ANKS1B: variants seen among roughly 807,000 people sequenced by gnomAD.
ANKS1B encodes the protein ankyrin repeat and sterile alpha motif domain-containing protein 1B.
A neutral mutation model predicts 148.3 loss-of-function variants in ANKS1B; 36 were observed. The ratio of observed to expected loss-of-function variants is 0.24; its 90% CI spans 0.19 to 0.32. The LOEUF (loss-of-function observed/expected upper bound fraction) is 0.32. Among genes scored for constraint, ANKS1B ranks in the 10% least tolerant of loss-of-function variants. ANKS1B has a pLI of 1.00. For synonymous variants in ANKS1B, 542 were observed against 560.8 expected (o/e 0.97, Z 0.47); for missense variants, 1,157 against 1,542.6 (o/e 0.75, Z 4.19).
At chr12:99,853,963 A>G (rs1003017094) in intron 1 of ANKS1B, among the ~76,000 whole-genome samples, 4 of 152,194 alleles carry the variant, frequency 2.6e-5, no homozygotes, top group Non-Finnish European at 5.9e-5. Context: ...TTGAACAAGT[A>G]GAAAAAAAAA....
At chr12:99,567,713 T>C (rs1347189108) in intron 9 of ANKS1B, among the ~76,000 whole-genome samples, 1 of 152,146 alleles carries the variant, frequency 6.6e-6, no homozygotes, top group Non-Finnish European at 1.5e-5. Flanking sequence ...AGGACCAAGA[T>C]ATGCTAAAGG....
At chr12:98,975,325 CTTCT>C (rs1210964770) in intron 17 of ANKS1B, among the ~76,000 whole-genome samples, 1 of 147,552 alleles carries the variant, frequency 6.8e-6, no homozygotes, top group Admixed American at 6.8e-5. Context: ...CCTTTTCCTC[CTTCT>C]TTCCTTTCCT....
intron 10 of ANKS1B, among the ~76,000 whole-genome samples, chr12:99,452,531 C>T (rs1389839215): frequency 6.6e-6 from 1 of 152,086 alleles, no homozygotes; most frequent in Non-Finnish European, 1.5e-5. Flanking sequence ...ATAAATAAGA[C>T]CAATGAAATC....
intron 9 of ANKS1B, among the ~76,000 whole-genome samples, chr12:99,627,820 G>A (rs770032764): frequency 6.6e-6 from 1 of 152,108 alleles, no homozygotes; most frequent in Non-Finnish European, 1.5e-5. Flanking sequence ...AAGAGAAAGG[G>A]GGTTATTTCT....
Position 99,056,784 on chromosome 12 carries a change from T to C in ANKS1B, c.2626-3475A>G, listed in dbSNP as rs139730047. ...CTAATATAACTTCCCATGCTTGGAA[T>C]GCTTTTGCCCCTGCTTCTGGAGTGA... On this transcript the variant is annotated intron_variant, in intron 16 of 26. Transcript: ENST00000683438. Among the ~76,000 whole-genome samples, 39 of 152,348 alleles carry C rather than the reference T, an allele frequency of 2.6e-4. No individual in the cohort carries two copies. The East Asian group carries it at 7.3e-3, about 29-fold the overall frequency.
intron 22 of ANKS1B, among the ~76,000 whole-genome samples, chr12:98,784,302 T>A (rs181123333): frequency 6.6e-6 from 1 of 152,096 alleles, no homozygotes; most frequent in South Asian, 2.1e-4. Context: ...CAGGGGAAGA[T>A]GAAATCCCAA....
rs551521331 is a variant in ANKS1B at position 98,979,667 on chromosome 12, A to T, written c.2778+73490T>A. On this transcript the variant is annotated intron_variant, in intron 17 of 26. Transcript: ENST00000683438. ...GTCTTTTTTCTCTGGATGCTTTTAG[A>T]TTTTTTTTTTTTAGCAATTTAATTA... Among the ~76,000 whole-genome samples, 1,340 of 148,062 alleles carry T rather than the reference A, an allele frequency of 9.1e-3. 21 individuals are homozygous for T. Among genetic ancestry groups the T allele is most frequent in the African/African-American group, 0.031 (1,276 of 40,574 alleles).
chr12:99,667,312 A>G (rs1195671847), intron 8 of ANKS1B, among the ~76,000 whole-genome samples: 1 of 149,172 alleles, frequency 6.7e-6, no homozygotes, highest in East Asian at 2.0e-4. Flanking sequence ...TCATGCCACC[A>G]CACTCCAGTC....
chr12:99,119,334 G>A (rs1449205114), intron 15 of ANKS1B, among the ~76,000 whole-genome samples: 1 of 152,132 alleles, frequency 6.6e-6, no homozygotes, highest in Non-Finnish European at 1.5e-5. Context: ...AGAGCTTCTG[G>A]AGGGAATGAG....
intron 17 of ANKS1B, among the ~76,000 whole-genome samples, chr12:99,002,488 C>CT (rs140934941): frequency 0.38 from 56,141 of 147,346 alleles, 10,931 homozygotes; most frequent in South Asian, 0.44. Context: ...GTACTTATCT[C>CT]TCTTTTTTTT....
Position 99,098,775 on chromosome 12 carries a change from C to A in ANKS1B, c.2527-13752G>T, listed in dbSNP as rs763398908. Among the ~76,000 whole-genome samples, 582 of 151,134 alleles carry A rather than the reference C, an allele frequency of 3.9e-3. 23 individuals carry two copies. In the East Asian group the frequency reaches 0.082, roughly 21 times the overall value. On this transcript the variant is annotated intron_variant, in intron 15 of 26. Transcript: ENST00000683438. ...AATTCAGGGTTCCCCCCCCCACCCC[C>A]AGCTCTGCCATTTACTTAGCTTTGT... is the stretch of plus-strand genomic sequence containing the variant.
intron 12 of ANKS1B, among the ~76,000 whole-genome samples, chr12:99,325,731 G>A (rs1291385037): frequency 6.6e-6 from 1 of 152,102 alleles, no homozygotes; most frequent in Non-Finnish European, 1.5e-5. Context: ...ATTGTAATAG[G>A]AGATGGAGCA....
chr12:99,698,680 T>C (rs2054306188), intron 8 of ANKS1B, among the ~76,000 whole-genome samples: 1 of 152,232 alleles, frequency 6.6e-6, no homozygotes, highest in Non-Finnish European at 1.5e-5. Context: ...TTTATGAATC[T>C]AACATTGCGT....
intron 9 of ANKS1B, among the ~76,000 whole-genome samples, chr12:99,606,866 A>C (rs1490784048): frequency 4.6e-5 from 7 of 152,168 alleles, no homozygotes; most frequent in African/African-American, 1.4e-4. Context: ...CTAACCCTAC[A>C]TTTGCCAGCC....
At chr12:99,639,463 G>T (rs963134699) in intron 9 of ANKS1B, among the ~76,000 whole-genome samples, 1 of 152,096 alleles carries the variant, frequency 6.6e-6, no homozygotes. Context: ...TGAAATGTGA[G>T]AACATGATAT....
chr12:99,931,994 G>C (rs2094629737), intron 1 of ANKS1B, among the ~76,000 whole-genome samples: 1 of 151,944 alleles, frequency 6.6e-6, no homozygotes. Flanking sequence ...TTCATTTTTA[G>C]CTTCAGCAAA....
At chr12:99,916,754 C>T (rs11609725) in intron 1 of ANKS1B, among the ~76,000 whole-genome samples, 18,167 of 152,146 alleles carry the variant, frequency 0.12, 1,447 homozygotes, top group Middle Eastern at 0.18. Context: ...CAGCTAAATA[C>T]GTTGGTGCAA....
chr12:99,270,652 G>T (rs73140999), intron 12 of ANKS1B, among the ~76,000 whole-genome samples: 24,044 of 152,052 alleles, frequency 0.16, 2,478 homozygotes, highest in Non-Finnish European at 0.24. Flanking sequence ...TCCCTGGATG[G>T]TTTCCTTAAT....
At chr12:99,076,422 G>C (rs2047903321) in intron 16 of ANKS1B, among the ~76,000 whole-genome samples, 1 of 152,168 alleles carries the variant, frequency 6.6e-6, no homozygotes, top group Non-Finnish European at 1.5e-5. Context: ...AAAGTAAAGA[G>C]AGTATTGCGG....
Sources: gnomAD v4.1 joint callset for allele counts (sites outside exome capture counted in the v4.1 genomes callset) on GRCh38, gnomAD v4.1.1 for gene constraint, MANE v1.5 for transcripts, NCBI Gene and HGNC (gene_info 2026-07-23, HGNC 2026-07-21) for gene names.